The following SP140 variants were observed in gnomAD, a reference collection of about 807,000 sequenced individuals.
The protein encoded by SP140 is nuclear body protein SP140.
SP140 carries 81 observed loss-of-function variants against 125.0 expected under a neutral mutation model. That is an observed-to-expected ratio of 0.65 (90% CI 0.54 to 0.78). The LOEUF (loss-of-function observed/expected upper bound fraction) is 0.78, where lower values mean the gene tolerates loss of function less well. Among genes scored for constraint, SP140 ranks in the 30% least tolerant of loss-of-function variants. The probability of loss-of-function intolerance (pLI) is 0.00; values close to 1 mark genes in which losing one functional copy is unlikely to be tolerated. For missense variants in SP140, 858 were observed against 1,037.0 expected (o/e 0.83, Z 2.37); for synonymous variants, 312 against 354.0 (o/e 0.88, Z 1.33).
intron 21 of SP140, among the ~76,000 whole-genome samples, 160 bp downstream of exon 21, chr2:230,294,478 G>A (rs1053940216): frequency 3.3e-5 from 5 of 152,096 alleles, no homozygotes; most frequent in African/African-American, 4.8e-5. Context: ...CTTCAGAGTC[G>A]CTAATTTGAA....
chr2:230,276,138 C>T (rs2054676032), intron 15 of SP140, among the ~76,000 whole-genome samples: 1 of 152,162 alleles, frequency 6.6e-6, no homozygotes, highest in Admixed American at 6.5e-5. Context: ...AAGATGGCTA[C>T]ACTAAACAAC....
At chr2:230,294,830 T>C (rs748783276) in intron 21 of SP140, among the ~76,000 whole-genome samples, 1 of 152,242 alleles carries the variant, frequency 6.6e-6, no homozygotes, top group Non-Finnish European at 1.5e-5. Context: ...AGAATATTTC[T>C]TTTCTGATCC....
chr2:230,271,765 G>A (rs1007884471), intron 15 of SP140, among the ~76,000 whole-genome samples: 6 of 152,124 alleles, frequency 3.9e-5, no homozygotes, highest in African/African-American at 1.4e-4. Context: ...AGCCTATCCA[G>A]GTCAAAAAAC....
intron 9 of SP140, among the ~76,000 whole-genome samples, chr2:230,249,196 G>A (rs192978940): frequency 2.6e-5 from 4 of 152,258 alleles, no homozygotes; most frequent in African/African-American, 7.2e-5. Flanking sequence ...CATGGGGAAT[G>A]TAGGGAGAAC....
intron 12 of SP140, among the ~76,000 whole-genome samples, chr2:230,266,485 T>C (rs964906041): frequency 6.6e-6 from 1 of 152,170 alleles, no homozygotes; most frequent in Non-Finnish European, 1.5e-5. Flanking sequence ...GCATGACAAA[T>C]AACCACAAAT....
chr2:230,189,864 G>T, the SP140 span, among the ~76,000 whole-genome samples: 1 of 152,132 alleles, frequency 6.6e-6, no homozygotes, highest in Non-Finnish European at 1.5e-5. Flanking sequence ...ACCTGCAAAG[G>T]ACATGATCTT....
chr2:230,294,453 T>A (rs1197224981), intron 21 of SP140, 135 bp downstream of exon 21: 2 of 638,772 alleles, frequency 3.1e-6, no homozygotes, highest in Non-Finnish European at 5.5e-6. Flanking sequence ...CTTAAAATAC[T>A]TTTTGCATGT....
the SP140 span, among the ~76,000 whole-genome samples, chr2:230,197,586 G>A: frequency 1.3e-5 from 2 of 150,682 alleles, no homozygotes; most frequent in African/African-American, 4.9e-5. Context: ...TGTTGCCATT[G>A]CTTTTGGTGT....
At chr2:230,216,847 T>G (rs201855297) in intron 3 of SP140, 2 of 1,613,990 alleles carry the variant, frequency 1.2e-6, no homozygotes, top group South Asian at 1.1e-5. Flanking sequence ...ATGGCTTGTG[T>G]ATGGCATAGG....
At chr2:230,295,370 T>C (rs1196920495) in intron 21 of SP140, among the ~76,000 whole-genome samples, 5 of 152,216 alleles carry the variant, frequency 3.3e-5, no homozygotes, top group Non-Finnish European at 5.9e-5. Context: ...TTTCATCCAC[T>C]GGGTTTCCCG....
chr2:230,310,607 C>T, intron 23 of SP140, 136 bp from the exon 24 acceptor site: 1 of 1,581,550 alleles, frequency 6.3e-7, no homozygotes, highest in Non-Finnish European at 8.6e-7. Flanking sequence ...GTGAATCTTG[C>T]ATACTTTGGG....
upstream of SP140, chr2:230,221,812 A>C: frequency 8.1e-7 from 1 of 1,235,532 alleles, no homozygotes; most frequent in Non-Finnish European, 1.1e-6. Flanking sequence ...AGGCAAATGC[A>C]AAACAAACAA....
chr2:230,204,644 G>T (rs1229568010), intron 1 of SP140, among the ~76,000 whole-genome samples: 1 of 151,208 alleles, frequency 6.6e-6, no homozygotes, highest in Non-Finnish European at 1.5e-5. Flanking sequence ...GCTAATTTGT[G>T]CCAGGACATT....
chr2:230,262,662 C>A (rs2052466694), intron 12 of SP140, among the ~76,000 whole-genome samples: 1 of 151,960 alleles, frequency 6.6e-6, no homozygotes, highest in South Asian at 2.1e-4. Flanking sequence ...TGAAGAATTA[C>A]TGTCATTCAG....
chr2:230,190,021 C>A, the SP140 span, among the ~76,000 whole-genome samples: 1 of 152,168 alleles, frequency 6.6e-6, no homozygotes, highest in African/African-American at 2.4e-5. Flanking sequence ...CATACATGTG[C>A]ATGTGTCTTT....
intron 3 of SP140, among the ~76,000 whole-genome samples, chr2:230,218,173 G>A (rs1347956239): frequency 6.6e-6 from 1 of 152,198 alleles, no homozygotes; most frequent in Non-Finnish European, 1.5e-5. Flanking sequence ...CAACTTGACA[G>A]TTTTTAACAA....
chr2:230,231,986 G>T (rs552397840), intron 1 of SP140, among the ~76,000 whole-genome samples: 1 of 152,226 alleles, frequency 6.6e-6, no homozygotes, highest in East Asian at 1.9e-4. Context: ...TGGGATTACA[G>T]GTGTGAGCCA....
At chr2:230,280,609 C>T (rs2055400817) in intron 15 of SP140, among the ~76,000 whole-genome samples, 1 of 152,098 alleles carries the variant, frequency 6.6e-6, no homozygotes, top group Non-Finnish European at 1.5e-5. Context: ...TCTCCCCTTT[C>T]TCCCTGCTGG....
upstream of SP140, chr2:230,202,505 A>T: frequency 7.0e-7 from 1 of 1,426,900 alleles, no homozygotes; most frequent in Non-Finnish European, 9.9e-7. Context: ...ATATCTACTT[A>T]ACTCTGTACC....
Sources: gnomAD v4.1 joint callset for allele counts (sites outside exome capture counted in the v4.1 genomes callset) on GRCh38, gnomAD v4.1.1 for gene constraint, MANE v1.5 for transcripts, NCBI Gene and HGNC (gene_info 2026-07-23, HGNC 2026-07-21) for gene names.